MAPK8IP2: variants seen among roughly 807,000 people sequenced by gnomAD.
MAPK8IP2 encodes C-Jun-amino-terminal kinase-interacting protein 2.
In MAPK8IP2, 15 loss-of-function variants were observed where a neutral mutation model predicts 75.6. That is an observed-to-expected ratio of 0.20 (90% CI 0.13 to 0.31). The LOEUF is 0.31. MAPK8IP2 is among the 10% of genes least tolerant of loss of function. The probability of loss-of-function intolerance (pLI) is 1.00; values close to 1 mark genes in which losing one functional copy is unlikely to be tolerated. For synonymous variants in MAPK8IP2, 632 were observed against 554.5 expected, an observed-to-expected ratio of 1.14 and a Z score of -1.96; for missense variants, 1,089 against 1,211.2, an observed-to-expected ratio of 0.90 and a Z score of 1.50.
chr22:50,606,883 T>C, intron 9 of MAPK8IP2, 38 bp from the exon 10 acceptor site: 1 of 1,609,536 alleles, frequency 6.2e-7, no homozygotes, highest in Admixed American at 1.7e-5. Context: ...GCGCCAGGCC[T>C]CCTTTGACAC....
rs1447549717 is a variant in MAPK8IP2, at chr22:50,613,754, C to T, written c.*2975C>T. On this transcript the variant is annotated 3_prime_UTR_variant, in exon 12 of 12. Transcript: ENST00000329492. Reference sequence around the variant, plus strand: ...GTTTGTCACTGGGTGACCTCCCGTCCTTGTGGGCGCTCCCGGGCCCTGGTC... The same window carrying T: ...GTTTGTCACTGGGTGACCTCCCGTCTTTGTGGGCGCTCCCGGGCCCTGGTC... 1 of 152,266 alleles carries T rather than the reference C, an allele frequency of 6.6e-6. No homozygotes were observed. The highest frequency in any genetic ancestry group is 2.4e-5 in the African/African-American group (1 of 41,452). The allele number at this position is 152,266 out of a possible 1,614,324, so 9.4% of individuals were successfully genotyped here.
intron 5 of MAPK8IP2, 57 bp downstream of exon 5, chr22:50,605,121 C>T (rs1342999452): frequency 1.3e-6 from 2 of 1,582,182 alleles, no homozygotes; most frequent in East Asian, 2.2e-5. Flanking sequence ...GACTCCCTGG[C>T]CCCAGTCCCA....
In MAPK8IP2 at chr22:50,600,806, T is replaced by C; in HGVS notation, c.-13T>C. ...GCACCCCCCGCCGCAGTCGCGGGCC[T>C]CTCCCGGAGAAGATGGCGGATCGCG... is the stretch of plus-strand genomic sequence containing the variant. On this transcript the variant is annotated 5_prime_UTR_variant, in exon 1 of 12. Transcript: ENST00000329492. The C allele has an allele frequency of 7.9e-7, 1 of 1,260,638 alleles. No homozygotes were observed. Among genetic ancestry groups the C allele is most frequent in the Non-Finnish European group, 1.0e-6 (1 of 975,800 alleles). 78.1% of individuals were successfully genotyped at this position (1,260,638 alleles called of 1,614,324 possible). A position where few individuals can be genotyped will look rare whatever the true frequency, so the allele number is the denominator to read the frequency against.
At chr22:50,605,514 G>A (rs978150461) in intron 6 of MAPK8IP2, 48 bp from the exon 7 acceptor site, 33 of 1,594,826 alleles carry the variant, frequency 2.1e-5, no homozygotes, top group Non-Finnish European at 2.6e-5. Flanking sequence ...CAGTGGACAC[G>A]ACCGTCAATC....
intron 2 of MAPK8IP2, 29 bp downstream of exon 2, chr22:50,601,923 A>G (rs1251163948): frequency 6.4e-7 from 1 of 1,562,070 alleles, no homozygotes; most frequent in East Asian, 2.2e-5. Context: ...ACACAGATCC[A>G]GCTCAAGGGA....
rs757280859 is a variant in MAPK8IP2 at position 50,610,703 on chromosome 22, C to G, written c.2403-4C>G. The stretch of plus-strand genomic sequence containing the variant: ...GTGGCTGGTGGAGGACCGTCTTTCC[C>G]CAGCCGCGCCTTCCTGGAGTACTAC... On this transcript the variant is annotated splice_polypyrimidine_tract_variant and splice_region_variant and intron_variant, in intron 11 of 11. Coordinates refer to ENST00000329492, the MANE Select transcript of MAPK8IP2 (RefSeq NM_012324.6). The surrounding 1 kb of genome is among the most constrained non-coding windows in gnomAD (Gnocchi z 4.3). 4 of 1,600,816 alleles carry G rather than the reference C, an allele frequency of 2.5e-6. No homozygotes were observed. The highest frequency in any genetic ancestry group is 2.2e-5 in the South Asian group (2 of 89,198).
At chr22:50,606,342 G>A (rs2071048398) in intron 8 of MAPK8IP2, among the ~76,000 whole-genome samples, 4 of 49,094 alleles carry the variant, frequency 8.1e-5, no homozygotes. Context: ...GAGGCTGGGG[G>A]GCAGTAGGGA....
rs371979192 is a variant in MAPK8IP2 at position 50,603,643 on chromosome 22, C to G, written c.465C>G (p.Asn155Lys). The stretch of plus-strand genomic sequence containing the variant: ...CACCCCAGGACTCCCTAAACAACAA[C>G]GGAGGCTTTGACCTGGTGCGTCCGG... Reference protein sequence around the residue: ...TLGAQDSLNNNGGFDLVRPAS... With the variant: ...TLGAQDSLNNKGGFDLVRPAS... Residue 155 changes from asparagine to lysine, a missense_variant, in exon 4 of 12, where the codon AAC becomes AAG. By Grantham distance (94) the Asn-to-Lys change is moderately conservative (BLOSUM62 0). This residue lies in a region of MAPK8IP2 where 960 missense variants were observed against 1,009.6 expected (regional missense o/e 0.95). Coordinates refer to ENST00000329492, the MANE Select transcript of MAPK8IP2 (RefSeq NM_012324.6). 1.3e-6 allele frequency: 2 copies of G among 1,594,772 alleles called. No homozygotes were observed. Among genetic ancestry groups the G allele is most frequent in the East Asian group, 2.3e-5 (1 of 43,798 alleles).
Position 50,609,879 on chromosome 22 carries a change from G to A in MAPK8IP2, c.2304-333G>A, listed in dbSNP as rs1443585818. ...GAGTTGGCAGGAGATATGGTCTCCA[G>A]TAGCCAGGCAGAGGCCTTGCTCTGT... On this transcript the variant is annotated intron_variant, in intron 10 of 11. Transcript: ENST00000329492. The A allele has an allele frequency of 5.5e-6, 3 of 542,442 alleles. No homozygotes were observed. In the East Asian group the frequency reaches 1.4e-4, roughly 26 times the overall value. 33.6% of individuals were successfully genotyped at this position (542,442 alleles called of 1,614,324 possible).
rs950918819 is a variant in MAPK8IP2, at chr22:50,605,158, C to T, written c.1765+94C>T. On this transcript the variant is annotated intron_variant, in intron 5 of 11. Coordinates refer to ENST00000329492, the MANE Select transcript of MAPK8IP2 (RefSeq NM_012324.6). ...GGTCCCCCACAGTGCCCAGGGCCAC[C>T]TGAGGGTCTGGCTGTGGTCAGGGCT... The T allele has an allele frequency of 2.5e-5, 36 of 1,441,920 alleles. 1 individual carries two copies. The South Asian group carries it at 4.1e-4, about 17-fold the overall frequency. 89.3% of individuals were successfully genotyped at this position (1,441,920 alleles called of 1,614,324 possible).
At chr22:50,601,958 G>A (rs12169357) in intron 2 of MAPK8IP2, 64 bp downstream of exon 2, 17 of 1,375,240 alleles carry the variant, frequency 1.2e-5, no homozygotes, top group Non-Finnish European at 1.3e-5. Context: ...TCTTCTTAGC[G>A]TTCACTTGGG....
At position 50,607,179 on chromosome 22, in the gene MAPK8IP2, G is replaced by A; in HGVS notation, c.2303+188G>A. Among the ~76,000 whole-genome samples, 1 of 152,166 alleles carries A rather than the reference G, an allele frequency of 6.6e-6. No individual in the cohort carries two copies. The highest frequency in any genetic ancestry group is 6.5e-5 in the Admixed American group (1 of 15,280). ...CTCTGAGCTGGACTCAGGAGGCGTG[G>A]GTCAGACAGGCTTGCATCCAGTCTG... On this transcript the variant is annotated intron_variant, in intron 10 of 11. Coordinates refer to ENST00000329492, the MANE Select transcript of MAPK8IP2 (RefSeq NM_012324.6). The surrounding 1 kb of genome is among the most constrained non-coding windows in gnomAD (Gnocchi z 5.6).
Position 50,607,063 on chromosome 22 carries a change from C to T in MAPK8IP2, c.2303+72C>T, listed in dbSNP as rs2071065639. Reference sequence around the variant, plus strand: ...CTGAGAGTCCAACCGCCCCCTGAGTCCCCACAGACCCTGAGGGCTGCCCGT... The same window carrying T: ...CTGAGAGTCCAACCGCCCCCTGAGTTCCCACAGACCCTGAGGGCTGCCCGT... On this transcript the variant is annotated intron_variant, in intron 10 of 11. Coordinates refer to ENST00000329492, the MANE Select transcript of MAPK8IP2 (RefSeq NM_012324.6). The surrounding 1 kb of genome is among the most constrained non-coding windows in gnomAD (Gnocchi z 5.6). The T allele has an allele frequency of 6.5e-6, 8 of 1,222,674 alleles. No homozygotes were observed. Among genetic ancestry groups the T allele is most frequent in the Non-Finnish European group, 9.7e-6 (8 of 827,396 alleles). The allele number at this position is 1,222,674 out of a possible 1,614,324, so 75.7% of individuals were successfully genotyped here.
Position 50,607,055 on chromosome 22 carries a change from C to T in MAPK8IP2, c.2303+64C>T. On this transcript the variant is annotated intron_variant, in intron 10 of 11. Coordinates refer to ENST00000329492, the MANE Select transcript of MAPK8IP2 (RefSeq NM_012324.6). The surrounding 1 kb of genome is among the most constrained non-coding windows in gnomAD (Gnocchi z 5.6). ...CACAAACCCTGAGAGTCCAACCGCCCCCTGAGTCCCCACAGACCCTGAGGG... is the reference window on the plus strand; with the variant it reads ...CACAAACCCTGAGAGTCCAACCGCCTCCTGAGTCCCCACAGACCCTGAGGG... 2.3e-6 allele frequency: 3 copies of T among 1,292,474 alleles called. No homozygotes were observed. The highest frequency in any genetic ancestry group is 2.2e-6 in the Non-Finnish European group (2 of 889,330). The allele number at this position is 1,292,474 out of a possible 1,614,324, so 80.1% of individuals were successfully genotyped here.
Position 50,610,806 on chromosome 22 carries a change from G to A in MAPK8IP2, c.*27G>A, listed in dbSNP as rs778936596. On this transcript the variant is annotated 3_prime_UTR_variant, in exon 12 of 12. Coordinates refer to ENST00000329492, the MANE Select transcript of MAPK8IP2 (RefSeq NM_012324.6). This position sits in a 1 kb window ranked among gnomAD's most constrained non-coding sequence, Gnocchi z 4.3. ...CTGCCCACCGCTCTGTCTCCTGGCC[G>A]TCTGCTCCAGGCGCAGCTGGGGCTG... The A allele has an allele frequency of 4.0e-5, 63 of 1,570,594 alleles. 3 individuals carry two copies. Among genetic ancestry groups the A allele is most frequent in the South Asian group, 3.1e-4 (27 of 86,284 alleles).
In MAPK8IP2 at chr22:50,607,473, C is replaced by G. The variant is rs575324461; in HGVS notation, c.2303+482C>G. On this transcript the variant is annotated intron_variant, in intron 10 of 11. Coordinates refer to ENST00000329492, the MANE Select transcript of MAPK8IP2 (RefSeq NM_012324.6). This position sits in a 1 kb window ranked among gnomAD's most constrained non-coding sequence, Gnocchi z 5.6. ...CTTTTGATTATGCCAAGGAGCTGTACTTAATCTTGCTGGTAATGAGGCCAT... is the reference window on the plus strand; with the variant it reads ...CTTTTGATTATGCCAAGGAGCTGTAGTTAATCTTGCTGGTAATGAGGCCAT... 6.6e-6 allele frequency among the ~76,000 whole-genome samples: 1 copy of G among 152,028 alleles called. No individual in the cohort carries two copies. Among genetic ancestry groups the G allele is most frequent in the African/African-American group, 2.4e-5 (1 of 41,364 alleles).
rs1603444484 is a variant in MAPK8IP2, at chr22:50,610,644, G to A, written c.2403-63G>A. On this transcript the variant is annotated intron_variant, in intron 11 of 11. Coordinates refer to ENST00000329492, the MANE Select transcript of MAPK8IP2 (RefSeq NM_012324.6). The surrounding 1 kb of genome is among the most constrained non-coding windows in gnomAD (Gnocchi z 4.3). ...AGGAGGGAGAGCTCAGAGGCTCTGT[G>A]GAAGGCAGTTTGGGGGTTGAGGACC... The A allele has an allele frequency of 1.2e-5, 16 of 1,362,828 alleles. No individual in the cohort carries two copies. Among genetic ancestry groups the A allele is most frequent in the East Asian group, 2.4e-5 (1 of 41,504 alleles). The allele number at this position is 1,362,828 out of a possible 1,614,324, so 84.4% of individuals were successfully genotyped here. A position where few individuals can be genotyped will look rare whatever the true frequency, so the allele number is the denominator to read the frequency against.
rs975922402 is a variant in MAPK8IP2 at position 50,600,989 on chromosome 22, G to A, written c.65+106G>A. The stretch of plus-strand genomic sequence containing the variant: ...TCCCCGCCGCCCCAGCCCCGCCGCC[G>A]GCGCGGACCCGGCCCCGGCCCCCTG... On this transcript the variant is annotated intron_variant, in intron 1 of 11. Coordinates refer to ENST00000329492, the MANE Select transcript of MAPK8IP2 (RefSeq NM_012324.6). 1,638 of 239,406 alleles carry A rather than the reference G, an allele frequency of 6.8e-3. 11 individuals carry two copies. Among genetic ancestry groups the A allele is most frequent in the Non-Finnish European group, 8.7e-3 (1,414 of 163,042 alleles). The allele number at this position is 239,406 out of a possible 1,614,324, so 14.8% of individuals were successfully genotyped here.
Position 50,610,640 on chromosome 22 carries a change from CT to C in MAPK8IP2, c.2403-66del. 7.6e-7 allele frequency: 1 copy of C among 1,312,298 alleles called. No homozygotes were observed. The highest frequency in any genetic ancestry group is 1.2e-5 in the South Asian group (1 of 80,010). The allele number at this position is 1,312,298 out of a possible 1,614,324, so 81.3% of individuals were successfully genotyped here. ...AGGAAGGAGGGAGAGCTCAGAGGCT[CT>C]GTGGAAGGCAGTTTGGGGGTTGAGG... On this transcript the variant is annotated intron_variant, in intron 11 of 11. Coordinates refer to ENST00000329492, the MANE Select transcript of MAPK8IP2 (RefSeq NM_012324.6). This position sits in a 1 kb window ranked among gnomAD's most constrained non-coding sequence, Gnocchi z 4.3.
Sources: allele counts gnomAD v4.1 joint callset (sites outside exome capture counted in the v4.1 genomes callset), GRCh38; gene constraint gnomAD v4.1.1; regional missense constraint gnomAD v4.1.1; non-coding constraint Gnocchi (gnomAD v3.1); transcripts MANE v1.5; gene names NCBI Gene and HGNC (gene_info 2026-07-23, HGNC 2026-07-21).